ENTPD4: variants seen among roughly 807,000 people sequenced by gnomAD.
The protein encoded by ENTPD4 is Golgi UDPase.
Under a neutral mutation model 79.1 loss-of-function variants are expected in ENTPD4, and 60 were observed. The observed-to-expected ratio is 0.76, with a 90% CI of 0.62 to 0.94. The LOEUF (loss-of-function observed/expected upper bound fraction) is 0.94. Among genes scored for constraint, ENTPD4 ranks in the 40% least tolerant of loss-of-function variants. The pLI, the probability that ENTPD4 is intolerant of heterozygous loss-of-function variation, is 0.00. For synonymous variants in ENTPD4, 276 were observed against 292.0 expected (o/e 0.95, Z 0.56); for missense variants, 772 against 775.1 (o/e 1.00, Z 0.05).
chr8:23,441,659 T>G lies in ENTPD4; in HGVS notation c.792A>C (p.Lys264Asn), dbSNP rs1202607138. 1 of 1,614,154 alleles carries G rather than the reference T, an allele frequency of 6.2e-7. No individual in the cohort carries two copies. Among genetic ancestry groups the G allele is most frequent in the Non-Finnish European group, 8.5e-7 (1 of 1,180,026 alleles). ...CCATGTCGAGAATGCCCGCTGTCCT[T>G]TTACGGACAATGGCTTCGCTGCTTT... ...GSESSEAIVR[K>N]RTAGILDMGG... The change falls in exon 8 of 13, where the codon AAA becomes AAC. Residue 264 changes from lysine to asparagine, a missense_variant. Transcript: ENST00000358689.
In ENTPD4 at chr8:23,447,877, G is replaced by A. The variant is rs1188033101; in HGVS notation, c.215C>T (p.Ala72Val). 1 of 1,613,846 alleles carries A rather than the reference G, an allele frequency of 6.2e-7. No individual in the cohort carries two copies. Among genetic ancestry groups the A allele is most frequent in the South Asian group, 1.1e-5 (1 of 91,074 alleles). The change falls in exon 4 of 13, where the codon GCA becomes GTA. Residue 72 changes from alanine to valine, a missense_variant. Transcript: ENST00000358689. ...TRDKKFQRYLARVTDIEATDT... is the reference protein window; with the variant it reads ...TRDKKFQRYLVRVTDIEATDT... ...TGTAGCTTCAATGTCGGTAACTCGTGCCAGGTACCTTGTATAGAAACACAC... is the reference window on the plus strand; with the variant it reads ...TGTAGCTTCAATGTCGGTAACTCGTACCAGGTACCTTGTATAGAAACACAC...
At chr8:23,437,346 G>A (rs1368346573) in intron 9 of ENTPD4, 88 bp from the exon 10 acceptor site, 4 of 984,966 alleles carry the variant, frequency 4.1e-6, no homozygotes, top group African/African-American at 3.3e-5. Context: ...CTCAAAATAC[G>A]CTCTGTGGGA....
At chr8:23,434,035 G>T in intron 12 of ENTPD4, 1 of 412,470 alleles carries the variant, frequency 2.4e-6, no homozygotes, top group Non-Finnish European at 4.4e-6. Context: ...AAGAACCCCG[G>T]AACTGACCCT....
intron 1 of ENTPD4, among the ~76,000 whole-genome samples, chr8:23,453,080 C>G (rs886225209): frequency 1.3e-5 from 2 of 152,060 alleles, no homozygotes; most frequent in African/African-American, 4.8e-5. Context: ...AGGCCCAGAC[C>G]TTAAAGAATC....
intron 4 of ENTPD4, among the ~76,000 whole-genome samples, chr8:23,446,150 G>A (rs1483130440): frequency 1.3e-5 from 2 of 152,164 alleles, no homozygotes; most frequent in African/African-American, 4.8e-5. Flanking sequence ...GCAATAAAAA[G>A]GTATTTTGAT....
chr8:23,438,147 T>G (rs970654802), intron 9 of ENTPD4, among the ~76,000 whole-genome samples: 2 of 152,206 alleles, frequency 1.3e-5, no homozygotes. Context: ...TCCTATTGTG[T>G]GTGCATGCCT....
rs747049248 is a variant in ENTPD4 at position 23,432,940 on chromosome 8, G to A, written c.1837C>T (p.Pro613Ser). ...MEEGLPAQNA[P>S]GTL is the part of the protein sequence containing the mutation. ...TGTGAGCTGGATCACAAGGTCCCCG[G>A]GGCATTCTGGGCGGGAAGGCCCTCC... The change falls in exon 13 of 13, where the codon CCG becomes TCG. Residue 613 changes from proline to serine, a missense_variant. Transcript: ENST00000358689. 3 of 1,603,720 alleles carry A rather than the reference G, an allele frequency of 1.9e-6. No homozygotes were observed. The African/African-American group carries it at 4.0e-5, about 21-fold the overall frequency.
Position 23,447,903 on chromosome 8 carries a change from G to A in ENTPD4, c.207-18C>T, listed in dbSNP as rs1338756935. ...CCAGGTACCTTGTATAGAAACACAC[G>A]TATGCTTTGATTTAGACAAAGAATA... On this transcript the variant is annotated intron_variant, in intron 3 of 12. Coordinates refer to ENST00000358689, the MANE Select transcript of ENTPD4 (RefSeq NM_004901.5). The A allele has an allele frequency of 7.5e-6, 12 of 1,600,844 alleles. No individual in the cohort carries two copies. The highest frequency in any genetic ancestry group is 8.6e-6 in the Non-Finnish European group (10 of 1,167,910).
At chr8:23,450,078 C>A in intron 1 of ENTPD4, 81 bp from the exon 2 acceptor site, 2 of 702,942 alleles carry the variant, frequency 2.8e-6, no homozygotes, top group Non-Finnish European at 5.0e-6. Flanking sequence ...TGCTTAAATC[C>A]AACCACATAT....
Position 23,432,980 on chromosome 8 carries a change from G to A in ENTPD4, c.1797C>T (p.Ala599=), listed in dbSNP as rs778905365. The part of the protein sequence containing the change: ...HRRTPRSSSA[A]ALWMEEGLPA... ...GAAGGCCCTCCTCCATCCAGAGGGC[G>A]GCGGCCGAGCTGCTCCGGGGAGTGC... The change falls in exon 13 of 13, where the codon GCC becomes GCT. Residue 599 remains alanine (A), a synonymous_variant. Coordinates refer to ENST00000358689, the MANE Select transcript of ENTPD4 (RefSeq NM_004901.5). The A allele has an allele frequency of 2.9e-5, 46 of 1,613,280 alleles. No individual in the cohort carries two copies. Among genetic ancestry groups the A allele is most frequent in the African/African-American group, 4.0e-5 (3 of 74,930 alleles).
chr8:23,437,376 T>C lies in ENTPD4; in HGVS notation c.1050-118A>G, dbSNP rs916967385. The C allele has an allele frequency of 7.1e-6, 5 of 704,682 alleles. No homozygotes were observed. In the Admixed American group the frequency reaches 1.2e-4, roughly 17 times the overall value. The allele number at this position is 704,682 out of a possible 1,614,324, so 43.7% of individuals were successfully genotyped here. A position where few individuals can be genotyped will look rare whatever the true frequency, so the allele number is the denominator to read the frequency against. ...GTGGGACATGAGACCTGCAGGACCG[T>C]GTCTGTGGAACAGAAAAGGGTTCCG... On this transcript the variant is annotated intron_variant, in intron 9 of 12. Transcript: ENST00000358689.
Position 23,451,285 on chromosome 8 carries a change from G to A in ENTPD4, c.-97-1288C>T, listed in dbSNP as rs142575288. On this transcript the variant is annotated intron_variant, in intron 1 of 12. Coordinates refer to ENST00000358689, the MANE Select transcript of ENTPD4 (RefSeq NM_004901.5). ...TCTGCCGGCCTCAGCCTCCCAAAGT[G>A]CTGGGATTACAGGCGTGAGCCACTG... is the stretch of plus-strand genomic sequence containing the variant. Among the ~76,000 whole-genome samples the A allele has an allele frequency of 9.8e-3, 1,490 of 152,236 alleles. 25 individuals carry two copies. Among genetic ancestry groups the A allele is most frequent in the African/African-American group, 0.033 (1,352 of 41,548 alleles).
At chr8:23,452,147 T>C (rs1487833011) in intron 1 of ENTPD4, among the ~76,000 whole-genome samples, 1 of 152,226 alleles carries the variant, frequency 6.6e-6, no homozygotes, top group Non-Finnish European at 1.5e-5. Flanking sequence ...CCTTGTCCTC[T>C]AACATAATGC....
At chr8:23,451,209 A>G (rs1303336192) in intron 1 of ENTPD4, among the ~76,000 whole-genome samples, 4 of 151,648 alleles carry the variant, frequency 2.6e-5, no homozygotes, top group African/African-American at 9.7e-5. Flanking sequence ...TTTAGTAGAG[A>G]CGGGGTTTCG....
At position 23,435,048 on chromosome 8, in the gene ENTPD4, ATTCT is replaced by A. The variant is rs374195611; in HGVS notation, c.1460+340_1460+343del. Among the ~76,000 whole-genome samples, 668 of 152,344 alleles carry A rather than the reference ATTCT, an allele frequency of 4.4e-3. 4 individuals are homozygous for A. Among genetic ancestry groups the A allele is most frequent in the African/African-American group, 0.015 (642 of 41,572 alleles). ...TAAATGCATTGGCGAGGTAGGATGA[ATTCT>A]TGAGACTCAGAGAAAGGGATGAAGT... On this transcript the variant is annotated intron_variant, in intron 11 of 12. Coordinates refer to ENST00000358689, the MANE Select transcript of ENTPD4 (RefSeq NM_004901.5).
chr8:23,450,455 C>T (rs917062217), intron 1 of ENTPD4, among the ~76,000 whole-genome samples: 1 of 152,336 alleles, frequency 6.6e-6, no homozygotes, highest in African/African-American at 2.4e-5. Context: ...CATTATCACT[C>T]CTCCTCCAGC....
chr8:23,436,157 C>T (rs966159187), intron 10 of ENTPD4, among the ~76,000 whole-genome samples: 2 of 152,136 alleles, frequency 1.3e-5, no homozygotes, highest in Admixed American at 1.3e-4. Flanking sequence ...AGAGAAGTCG[C>T]GGAGAGCGTG....
intron 12 of ENTPD4, 38 bp from the exon 13 acceptor site, chr8:23,433,192 A>T (rs1800491804): frequency 6.3e-7 from 1 of 1,587,742 alleles, no homozygotes. Context: ...CAGGACAGTA[A>T]GCAAGGAAAG....
chr8:23,444,844 A>G (rs1336533154), intron 4 of ENTPD4, among the ~76,000 whole-genome samples: 1 of 152,086 alleles, frequency 6.6e-6, no homozygotes, highest in Non-Finnish European at 1.5e-5. Context: ...GCTGTGTGTC[A>G]CTGCCATGCG....
Sources: gnomAD v4.1 joint callset for allele counts (sites outside exome capture counted in the v4.1 genomes callset) on GRCh38, gnomAD v4.1.1 for gene constraint, MANE v1.5 for transcripts, NCBI Gene and HGNC (gene_info 2026-07-23, HGNC 2026-07-21) for gene names.